ADAMTSL1: variants seen among roughly 807,000 people sequenced by gnomAD.
The protein encoded by ADAMTSL1 is ADAMTS-like protein 1.
Under a neutral mutation model 201.8 loss-of-function variants are expected in ADAMTSL1, and 126 were observed. The ratio of observed to expected loss-of-function variants is 0.62; its 90% CI spans 0.54 to 0.72. The LOEUF (loss-of-function observed/expected upper bound fraction) is 0.72. Ranked by LOEUF, ADAMTSL1 falls within the 30% of genes least tolerant of loss-of-function variation. The pLI, the probability that ADAMTSL1 is intolerant of heterozygous loss-of-function variation, is 0.00. For synonymous variants in ADAMTSL1, 1,121 were observed against 903.4 expected, an observed-to-expected ratio of 1.24 and a Z score of -4.32; for missense variants, 2,679 against 2,277.8, an observed-to-expected ratio of 1.18 and a Z score of -3.59.
At chr9:18,486,026 C>T (rs924229775) in intron 1 of ADAMTSL1, among the ~76,000 whole-genome samples, 4 of 152,204 alleles carry the variant, frequency 2.6e-5, no homozygotes, top group African/African-American at 4.8e-5. Flanking sequence ...CTTTGCTGTA[C>T]ATCTTGAGGC....
At chr9:18,630,150 C>T (rs1290293821) in intron 5 of ADAMTSL1, among the ~76,000 whole-genome samples, 1 of 152,066 alleles carries the variant, frequency 6.6e-6, no homozygotes, top group Non-Finnish European at 1.5e-5. Flanking sequence ...CCTTTGGGGT[C>T]TTAAAATGTG....
At chr9:18,078,004 G>C (rs114326207) in intron 1 of ADAMTSL1, among the ~76,000 whole-genome samples, 501 of 152,294 alleles carry the variant, frequency 3.3e-3, no homozygotes, top group African/African-American at 0.011. Flanking sequence ...CAAGGACAGG[G>C]TGGGAAGGGA....
intron 1 of ADAMTSL1, among the ~76,000 whole-genome samples, chr9:18,500,346 G>A (rs1399446037): frequency 1.3e-5 from 2 of 152,212 alleles, no homozygotes; most frequent in Non-Finnish European, 2.9e-5. Context: ...GTATTTGTAG[G>A]AGGCATATAA....
At chr9:18,857,971 A>T (rs911087509) in intron 23 of ADAMTSL1, among the ~76,000 whole-genome samples, 3 of 152,170 alleles carry the variant, frequency 2.0e-5, no homozygotes, top group Non-Finnish European at 4.4e-5. Flanking sequence ...AGCCCTAGAG[A>T]ATAGTATTTA....
At chr9:18,811,881 G>T (rs1295322578) in intron 20 of ADAMTSL1, among the ~76,000 whole-genome samples, 4 of 152,008 alleles carry the variant, frequency 2.6e-5, no homozygotes, top group African/African-American at 9.7e-5. Context: ...AAATAATTAG[G>T]TTAATGTAAC....
chr9:18,195,386 T>C (rs1385690912), intron 2 of ADAMTSL1, among the ~76,000 whole-genome samples: 2 of 152,106 alleles, frequency 1.3e-5, no homozygotes, highest in African/African-American at 4.8e-5. Flanking sequence ...TTTATGATTT[T>C]ATTTTATCCT....
chr9:18,407,808 G>T (rs1324612529), intron 2 of ADAMTSL1, among the ~76,000 whole-genome samples: 1 of 152,160 alleles, frequency 6.6e-6, no homozygotes, highest in African/African-American at 2.4e-5. Flanking sequence ...AGAGAAAGCT[G>T]AGATATTGTC....
At chr9:18,523,759 C>T (rs1337500108) in intron 2 of ADAMTSL1, among the ~76,000 whole-genome samples, 14 of 140,304 alleles carry the variant, frequency 1.0e-4, no homozygotes, top group East Asian at 4.2e-4. Context: ...TGTAGATATG[C>T]GGCGTTATTT....
rs186282653 is a variant in ADAMTSL1, at chr9:17,969,366, A to C, written c.87+62444A>C. Among the ~76,000 whole-genome samples the C allele has an allele frequency of 3.9e-5, 6 of 152,188 alleles. No individual in the cohort carries two copies. The East Asian group carries it at 1.2e-3, about 29-fold the overall frequency. On this transcript the variant is annotated intron_variant, in intron 1 of 29. Transcript: ENST00000680146. ...ACAATGCTTTCTGGAATAGGAAAGG[A>C]GACCAAATTACAAGGAAGGAAGCTG...
chr9:18,718,043 A>G, intron 14 of ADAMTSL1: 4 of 1,570,334 alleles, frequency 2.5e-6, no homozygotes, highest in African/African-American at 2.7e-5. Flanking sequence ...AATCTGCCGC[A>G]CTAGGTCATA....
chr9:18,125,203 G>A lies in ADAMTSL1; in HGVS notation c.88-38659G>A, dbSNP rs114436619. Among the ~76,000 whole-genome samples, 1,092 of 152,228 alleles carry A rather than the reference G, an allele frequency of 7.2e-3. 9 individuals are homozygous for A. Among genetic ancestry groups the A allele is most frequent in the African/African-American group, 0.018 (766 of 41,536 alleles). ...GGTGGAAGGCAAGGAGGAGCAAGTC[G>A]CCTCTTACACGGATGGCAGCAGGGA... On this transcript the variant is annotated intron_variant, in intron 1 of 29. Transcript: ENST00000680146.
chr9:18,204,676 T>C (rs1008813288), intron 2 of ADAMTSL1, among the ~76,000 whole-genome samples: 1 of 152,112 alleles, frequency 6.6e-6, no homozygotes, highest in African/African-American at 2.4e-5. Context: ...TGAAGACTGG[T>C]TGCCAGCAGC....
chr9:18,769,784 A>G (rs935140125), intron 16 of ADAMTSL1, among the ~76,000 whole-genome samples: 3 of 152,194 alleles, frequency 2.0e-5, no homozygotes, highest in Non-Finnish European at 4.4e-5. Context: ...TCTGTCTTCA[A>G]GGGAGATTGA....
chr9:18,640,680 G>A lies in ADAMTSL1; in HGVS notation c.834+1269G>A, dbSNP rs573539891. Among the ~76,000 whole-genome samples, 17 of 152,056 alleles carry A rather than the reference G, an allele frequency of 1.1e-4. No homozygotes were observed. The South Asian group carries it at 1.5e-3, about 13-fold the overall frequency. On this transcript the variant is annotated intron_variant, in intron 7 of 28. Coordinates refer to ENST00000380548, the MANE Select transcript of ADAMTSL1 (RefSeq NM_001040272.6). Reference sequence around the variant, plus strand: ...TTATTTTTTTAATCTTATAAATGAAGACACTGTCTGCCCAGGCAAATCAGA... The same window carrying A: ...TTATTTTTTTAATCTTATAAATGAAAACACTGTCTGCCCAGGCAAATCAGA...
chr9:18,567,425 C>T (rs565516884), intron 3 of ADAMTSL1, among the ~76,000 whole-genome samples: 2 of 152,274 alleles, frequency 1.3e-5, no homozygotes, highest in African/African-American at 4.8e-5. Context: ...GAGATCATGC[C>T]ACTGCACTCC....
At chr9:18,869,709 T>C (rs1318938483) in intron 23 of ADAMTSL1, among the ~76,000 whole-genome samples, 5 of 152,186 alleles carry the variant, frequency 3.3e-5, no homozygotes, top group Admixed American at 6.5e-5. Flanking sequence ...TTTCCTTACA[T>C]GTAGTCTAGC....
chr9:18,860,281 T>TTCTC (rs1288016409), intron 23 of ADAMTSL1, among the ~76,000 whole-genome samples: 1 of 152,248 alleles, frequency 6.6e-6, no homozygotes, highest in Non-Finnish European at 1.5e-5. Context: ...AGGCCATTTG[T>TTCTC]TCTCAGCATA....
chr9:18,717,639 A>G lies in ADAMTSL1; in HGVS notation c.1877-3897A>G, dbSNP rs549842093. Reference sequence around the variant, plus strand: ...ATTATTGTACTCTCCAATACAAAGTATGAGTGAGGGTTAGAGTATACAGTA... The same window carrying G: ...ATTATTGTACTCTCCAATACAAAGTGTGAGTGAGGGTTAGAGTATACAGTA... On this transcript the variant is annotated intron_variant, in intron 14 of 28. Coordinates refer to ENST00000380548, the MANE Select transcript of ADAMTSL1 (RefSeq NM_001040272.6). 3.3e-5 allele frequency among the ~76,000 whole-genome samples: 5 copies of G among 152,320 alleles called. No homozygotes were observed. In the South Asian group the frequency reaches 1.0e-3, roughly 32 times the overall value.
chr9:18,081,400 T>TA (rs1287208175), intron 1 of ADAMTSL1, among the ~76,000 whole-genome samples: 1 of 152,190 alleles, frequency 6.6e-6, no homozygotes, highest in Non-Finnish European at 1.5e-5. Flanking sequence ...TGCCTTATAT[T>TA]ACTCTCACTT....
Sources: allele counts gnomAD v4.1 joint callset (sites outside exome capture counted in the v4.1 genomes callset), GRCh38; gene constraint gnomAD v4.1.1; transcripts MANE v1.5; gene names NCBI Gene and HGNC (gene_info 2026-07-23, HGNC 2026-07-21).